Variants in ARHGAP39 observed in about 807,000 individuals in gnomAD.
The protein encoded by ARHGAP39 is rho GTPase-activating protein 39.
In ARHGAP39, 44 loss-of-function variants were observed where a neutral mutation model predicts 106.9. The observed-to-expected ratio is 0.41, with a 90% confidence interval of 0.32 to 0.53. The LOEUF (loss-of-function observed/expected upper bound fraction) is 0.53, where lower values mean the gene tolerates loss of function less well. ARHGAP39 is among the 20% of genes least tolerant of loss of function. The probability of loss-of-function intolerance (pLI) is 0.21; values close to 1 mark genes in which losing one functional copy is unlikely to be tolerated. For missense variants in ARHGAP39, 1,496 were observed against 1,577.3 expected (o/e 0.95, Z 0.87); for synonymous variants, 768 against 693.2 (o/e 1.11, Z -1.69).
At chr8:144,691,626 T>C in the ARHGAP39 span, among the ~76,000 whole-genome samples, 1 of 152,164 alleles carries the variant, frequency 6.6e-6, no homozygotes, top group African/African-American at 2.4e-5. Flanking sequence ...ATGTCACCTA[T>C]TGATTGTTAT....
intron 1 of ARHGAP39, among the ~76,000 whole-genome samples, chr8:144,630,504 G>A (rs993794427): frequency 2.6e-5 from 4 of 152,234 alleles, no homozygotes; most frequent in Non-Finnish European, 4.4e-5. Context: ...CAAGCCCGAC[G>A]TGCCTGGTGA....
the ARHGAP39 span, among the ~76,000 whole-genome samples, chr8:144,700,164 G>C: frequency 6.6e-6 from 1 of 152,180 alleles, no homozygotes; most frequent in Non-Finnish European, 1.5e-5. The surrounding 1 kb of genome is among the most constrained non-coding windows in gnomAD (Gnocchi z 5.6). Context: ...CACTCATTCA[G>C]TCTCCCCCCT....
At chr8:144,668,199 C>T (rs549124236) in intron 1 of ARHGAP39, among the ~76,000 whole-genome samples, 16 of 152,222 alleles carry the variant, frequency 1.1e-4, no homozygotes, top group African/African-American at 3.9e-4. Flanking sequence ...CCCAGCACTT[C>T]GGGAGGCCAA....
intron 8 of ARHGAP39, 112 bp from the exon 9 acceptor site, chr8:144,533,437 T>C: frequency 1.9e-6 from 2 of 1,060,228 alleles, no homozygotes; most frequent in South Asian, 3.0e-5. Context: ...TCAGAATTCC[T>C]GCCCCACACA....
At chr8:144,687,984 T>C (rs201397409), upstream of ARHGAP39, among the ~76,000 whole-genome samples, 4,179 of 58,144 alleles carry the variant, frequency 0.072, 206 homozygotes, top group African/African-American at 0.17. Flanking sequence ...CGTGACCACA[T>C]ACTAGCGGTG....
chr8:144,690,935 G>A, the ARHGAP39 span, among the ~76,000 whole-genome samples: 3,038 of 152,024 alleles, frequency 0.02, 95 homozygotes, highest in African/African-American at 0.069. Context: ...TGGGATTACA[G>A]GCATGAGCCA....
intron 1 of ARHGAP39, among the ~76,000 whole-genome samples, chr8:144,628,304 G>A (rs1820976477): frequency 6.6e-6 from 1 of 152,050 alleles, no homozygotes; most frequent in Non-Finnish European, 1.5e-5. Context: ...ACATTTGCCA[G>A]GTAAAAGCAA....
At position 144,533,111 on chromosome 8, in the gene ARHGAP39, G is replaced by C. The variant is rs199875557; in HGVS notation, c.2888+15C>G. 6.3e-7 allele frequency: 1 copy of C among 1,592,958 alleles called. No homozygotes were observed. Among genetic ancestry groups the C allele is most frequent in the Admixed American group, 1.7e-5 (1 of 59,806 alleles). ...CTGTGGCCCCCACACCCGGCGCCCG[G>C]GGTTGCCGTGGCACCTGAAGATGCC... On this transcript the variant is annotated intron_variant, in intron 9 of 11. Coordinates refer to ENST00000377307, the MANE Select transcript of ARHGAP39 (RefSeq NM_025251.3).
At chr8:144,606,453 T>C (rs1820295598) in intron 1 of ARHGAP39, among the ~76,000 whole-genome samples, 1 of 152,222 alleles carries the variant, frequency 6.6e-6, no homozygotes, top group Non-Finnish European at 1.5e-5. Context: ...TGTGTTCTCT[T>C]CCTTATTATT....
At chr8:144,613,442 T>C (rs909871667) in intron 1 of ARHGAP39, among the ~76,000 whole-genome samples, 3 of 152,192 alleles carry the variant, frequency 2.0e-5, no homozygotes, top group Admixed American at 6.5e-5. Context: ...AACATCTTTA[T>C]GTCACCTTCA....
At chr8:144,659,479 A>G (rs1821772068) in intron 1 of ARHGAP39, among the ~76,000 whole-genome samples, 1 of 152,216 alleles carries the variant, frequency 6.6e-6, no homozygotes, top group Non-Finnish European at 1.5e-5. Flanking sequence ...CTTAACCATG[A>G]CAAAACGTCT....
At chr8:144,592,635 G>C (rs1819450573) in intron 2 of ARHGAP39, among the ~76,000 whole-genome samples, 1 of 142,956 alleles carries the variant, frequency 7.0e-6, no homozygotes, top group Non-Finnish European at 1.5e-5. Flanking sequence ...GGACAGCACT[G>C]AGCCCAGACC....
rs1355897683 is a variant in ARHGAP39 at position 144,581,276 on chromosome 8, A to G, written c.82T>C (p.Leu28=). 1 of 1,541,982 alleles carries G rather than the reference A, an allele frequency of 6.5e-7. No homozygotes were observed. Among genetic ancestry groups the G allele is most frequent in the Admixed American group, 2.0e-5 (1 of 50,828 alleles). The change falls in exon 3 of 12, where the codon TTG becomes CTG. Residue 28 remains leucine (L), a splice_region_variant and synonymous_variant. Coordinates refer to ENST00000377307, the MANE Select transcript of ARHGAP39 (RefSeq NM_025251.3). ...GGTTCGATGATCTCCACCCACTCCAACCTGGGGAGAGACAGGGTTAAGGCG... is the reference window on the plus strand; with the variant it reads ...GGTTCGATGATCTCCACCCACTCCAGCCTGGGGAGAGACAGGGTTAAGGCG... ...ESRIPGSNTR[L]EWVEIIEPRT...
chr8:144,533,577 C>T (rs1040502380), intron 8 of ARHGAP39, among the ~76,000 whole-genome samples: 1 of 152,210 alleles, frequency 6.6e-6, no homozygotes, highest in Non-Finnish European at 1.5e-5. Flanking sequence ...CCTGTGAACT[C>T]CTGGCTCCAA....
At chr8:144,605,856 T>C (rs570146242) in intron 1 of ARHGAP39, 161 bp from the exon 2 acceptor site, 20 of 556,832 alleles carry the variant, frequency 3.6e-5, no homozygotes, top group South Asian at 3.5e-4. Flanking sequence ...TCAGTGCTCC[T>C]GATGCCTGGC....
chr8:144,595,448 C>T (rs560598994), intron 2 of ARHGAP39, among the ~76,000 whole-genome samples: 1 of 152,290 alleles, frequency 6.6e-6, no homozygotes, highest in African/African-American at 2.4e-5. Flanking sequence ...TGGGGCTTCT[C>T]TGTGGGAGGT....
intron 9 of ARHGAP39, among the ~76,000 whole-genome samples, chr8:144,532,860 G>A (rs896062535): frequency 5.9e-5 from 9 of 152,154 alleles, no homozygotes; most frequent in Admixed American, 3.9e-4. Flanking sequence ...GTCCAAGCAC[G>A]CTCTGGACCC....
At chr8:144,634,920 C>T (rs914228582) in intron 1 of ARHGAP39, among the ~76,000 whole-genome samples, 1 of 152,258 alleles carries the variant, frequency 6.6e-6, no homozygotes, top group African/African-American at 2.4e-5. Context: ...GTCTCCACTC[C>T]TGTCTGGAAC....
the ARHGAP39 span, among the ~76,000 whole-genome samples, chr8:144,696,555 G>A: frequency 1.1e-4 from 16 of 152,198 alleles, no homozygotes; most frequent in Admixed American, 3.9e-4. Context: ...TGAGTTGCCC[G>A]TCACGGTTAC....
Sources: gnomAD v4.1 joint callset for allele counts (sites outside exome capture counted in the v4.1 genomes callset) on GRCh38, gnomAD v4.1.1 for gene constraint, Gnocchi (gnomAD v3.1) non-coding constraint, MANE v1.5 for transcripts, NCBI Gene and HGNC (gene_info 2026-07-23, HGNC 2026-07-21) for gene names.